Variants in MOXD1 observed in about 807,000 individuals in gnomAD.
MOXD1 encodes the protein monooxygenase DBH like 1.
A neutral mutation model predicts 66.6 loss-of-function variants in MOXD1; 62 were observed. The observed-to-expected ratio is 0.93, with a 90% CI of 0.76 to 1.15. The LOEUF (loss-of-function observed/expected upper bound fraction) is 1.15. MOXD1 is among the 50% of genes most tolerant of loss of function. The pLI is 0.00. For missense variants in MOXD1, 847 were observed against 754.6 expected (o/e 1.12, Z -1.44); for synonymous variants, 303 against 281.9 (o/e 1.07, Z -0.75).
intron 2 of MOXD1, among the ~76,000 whole-genome samples, chr6:132,373,223 G>A (rs968609085): frequency 3.9e-5 from 6 of 152,150 alleles, no homozygotes; most frequent in African/African-American, 1.2e-4. Context: ...CTCTCAGCAT[G>A]CAAGATTATG....
intron 1 of MOXD1, among the ~76,000 whole-genome samples, chr6:132,379,225 T>C (rs1468009533): frequency 1.3e-5 from 2 of 151,930 alleles, no homozygotes; most frequent in Non-Finnish European, 2.9e-5. Flanking sequence ...AATCAATCAA[T>C]ATGATTTAGC....
At chr6:132,346,683 A>T (rs1338340829) in intron 4 of MOXD1, among the ~76,000 whole-genome samples, 1 of 152,220 alleles carries the variant, frequency 6.6e-6, no homozygotes, top group African/African-American at 2.4e-5. Context: ...TTTGCTTTAG[A>T]ACCGATAATA....
intron 1 of MOXD1, among the ~76,000 whole-genome samples, chr6:132,398,887 G>A (rs375318397): frequency 8.6e-5 from 12 of 140,114 alleles, no homozygotes; most frequent in African/African-American, 1.4e-4. Flanking sequence ...GCAGTGAGCC[G>A]AGATTGCACC....
chr6:132,369,212 A>G (rs555633144), intron 4 of MOXD1, among the ~76,000 whole-genome samples: 6 of 152,200 alleles, frequency 3.9e-5, no homozygotes, highest in African/African-American at 7.2e-5. Flanking sequence ...CACTCATTTC[A>G]GGCAATCCCT....
chr6:132,297,167 T>G lies in MOXD1; in HGVS notation c.1828A>C (p.Thr610Pro). 3 of 1,613,322 alleles carry G rather than the reference T, an allele frequency of 1.9e-6. No individual in the cohort carries two copies. The highest frequency in any genetic ancestry group is 2.5e-6 in the Non-Finnish European group (3 of 1,179,546). ...CAGAATTTTGATCACAAGCTCTTGG[T>G]GCTCAGCGTGCAGCTGAGTAGCAGA... ...CLLLLSCTLS[T>P]KSL The change falls in exon 12 of 12, where the codon ACC becomes CCC. Residue 610 changes from threonine to proline, a missense_variant. Physicochemically the swap from Thr to Pro is conservative, Grantham distance 38. Transcript: ENST00000367963.
intron 9 of MOXD1, 90 bp from the exon 10 acceptor site, chr6:132,315,867 C>T (rs1774939003): frequency 3.0e-6 from 4 of 1,324,402 alleles, no homozygotes; most frequent in South Asian, 2.7e-5. Flanking sequence ...ACAGTTCCTT[C>T]CAATATTAAA....
intron 8 of MOXD1, among the ~76,000 whole-genome samples, chr6:132,321,495 A>G (rs776575549): frequency 1.3e-5 from 2 of 152,132 alleles, no homozygotes; most frequent in Non-Finnish European, 2.9e-5. Context: ...AGTGTTTTCC[A>G]TCCTTTTGTA....
chr6:132,298,493 A>T (rs917318777), intron 10 of MOXD1, among the ~76,000 whole-genome samples: 3 of 152,164 alleles, frequency 2.0e-5, no homozygotes, highest in Non-Finnish European at 4.4e-5. Context: ...ACTGTGAGAG[A>T]TGGAAAGTTC....
At chr6:132,392,075 T>A (rs1776777257) in intron 1 of MOXD1, 1 of 1,104,652 alleles carries the variant, frequency 9.1e-7, no homozygotes, top group Non-Finnish European at 1.3e-6. Context: ...ACTCTCTTCA[T>A]CTCTCCCTTA....
chr6:132,373,333 T>TGGTA lies in MOXD1; in HGVS notation c.412-340_412-337dup, dbSNP rs556164470. 1.3e-4 allele frequency among the ~76,000 whole-genome samples: 20 copies of TGGTA among 152,314 alleles called. 1 individual carries two copies. In the South Asian group the frequency reaches 4.1e-3, roughly 32 times the overall value. ...CACGCCAAAACTTTAACCTTGCAAC[T>TGGTA]GGTAGCTTCTAAACAAATATTCTTG... On this transcript the variant is annotated intron_variant, in intron 2 of 11. Coordinates refer to ENST00000367963, the MANE Select transcript of MOXD1 (RefSeq NM_015529.4).
At chr6:132,330,381 C>T (rs892224538) in intron 4 of MOXD1, among the ~76,000 whole-genome samples, 3 of 152,178 alleles carry the variant, frequency 2.0e-5, no homozygotes, top group African/African-American at 7.2e-5. Context: ...TGTGAGAGAT[C>T]TAGGCTGCGT....
intron 10 of MOXD1, among the ~76,000 whole-genome samples, chr6:132,301,065 A>C (rs2114524129): frequency 6.6e-6 from 1 of 152,234 alleles, no homozygotes; most frequent in South Asian, 2.1e-4. Flanking sequence ...TAAAGTAGCA[A>C]GTATTTCTGC....
At chr6:132,384,420 C>T (rs1776582711) in intron 1 of MOXD1, among the ~76,000 whole-genome samples, 1 of 152,066 alleles carries the variant, frequency 6.6e-6, no homozygotes, top group Non-Finnish European at 1.5e-5. Flanking sequence ...GGATACATGA[C>T]TATACTGGAC....
intron 4 of MOXD1, 122 bp from the exon 5 acceptor site, chr6:132,328,716 T>A: frequency 3.2e-6 from 3 of 930,300 alleles, no homozygotes; most frequent in Non-Finnish European, 4.8e-6. Flanking sequence ...TTCTCAATTA[T>A]GTCAAGGTTG....
intron 4 of MOXD1, among the ~76,000 whole-genome samples, chr6:132,329,322 T>C (rs1227252232): frequency 6.6e-6 from 1 of 152,212 alleles, no homozygotes; most frequent in Non-Finnish European, 1.5e-5. Flanking sequence ...TATGGCTGCA[T>C]AGTATTCCAT....
intron 7 of MOXD1, among the ~76,000 whole-genome samples, chr6:132,323,422 T>C (rs1387459803): frequency 6.6e-6 from 1 of 152,204 alleles, no homozygotes; most frequent in East Asian, 1.9e-4. Flanking sequence ...ATAAAGAGTA[T>C]GATCCATGTT....
chr6:132,378,901 TTTTTTTTTTTTTTG>T (rs1776451480), intron 1 of MOXD1, among the ~76,000 whole-genome samples: 1 of 119,192 alleles, frequency 8.4e-6, no homozygotes, highest in African/African-American at 3.8e-5. Context: ...TTTTTTTTTT[TTTTTTTTTTTTTTG>T]CGACAGAGTT....
chr6:132,379,935 A>G (rs1295136192), intron 1 of MOXD1, among the ~76,000 whole-genome samples: 2 of 152,076 alleles, frequency 1.3e-5, no homozygotes, highest in South Asian at 4.1e-4. Context: ...TATTTCTTGT[A>G]GAGATGAGTT....
At chr6:132,329,297 G>A (rs987238065) in intron 4 of MOXD1, among the ~76,000 whole-genome samples, 5 of 152,140 alleles carry the variant, frequency 3.3e-5, no homozygotes, top group South Asian at 2.1e-4. Flanking sequence ...ACACGAACAC[G>A]AACTCATCCG....
Sources: allele counts gnomAD v4.1 joint callset (sites outside exome capture counted in the v4.1 genomes callset), GRCh38; gene constraint gnomAD v4.1.1; transcripts MANE v1.5; gene names NCBI Gene and HGNC (gene_info 2026-07-23, HGNC 2026-07-21).